RFC3: variants seen among roughly 807,000 people sequenced by gnomAD.
RFC3 encodes the protein replication factor C subunit 3.
A neutral mutation model predicts 45.1 loss-of-function variants in RFC3; 41 were observed. The observed-to-expected ratio is 0.91, with a 90% confidence interval of 0.71 to 1.18. The LOEUF (loss-of-function observed/expected upper bound fraction) is 1.18. Ranked by LOEUF, RFC3 falls within the 50% of genes most tolerant of loss-of-function variation. The pLI is 0.00. For missense variants in RFC3, 423 were observed against 428.1 expected, an observed-to-expected ratio of 0.99 and a Z score of 0.10; for synonymous variants, 149 against 144.0, an observed-to-expected ratio of 1.03 and a Z score of -0.25.
chr13:33,948,701 A>G (rs1313750202), intron 8 of RFC3, among the ~76,000 whole-genome samples: 1 of 152,246 alleles, frequency 6.6e-6, no homozygotes, highest in Non-Finnish European at 1.5e-5. Context: ...TTGCATCAGC[A>G]TGACCTGGAC....
At chr13:33,843,668 A>C (rs150331137) in intron 8 of RFC3, among the ~76,000 whole-genome samples, 168 of 152,316 alleles carry the variant, frequency 1.1e-3, no homozygotes, top group African/African-American at 3.9e-3. Context: ...TCTTTGAACT[A>C]GACATTATGA....
At chr13:33,972,300 G>T in the RFC3 span, among the ~76,000 whole-genome samples, 3 of 151,964 alleles carry the variant, frequency 2.0e-5, no homozygotes, top group Non-Finnish European at 4.4e-5. Flanking sequence ...TATGCACAGA[G>T]TCCAACTACA....
At chr13:33,963,978 C>T (rs1056007867) in intron 8 of RFC3, among the ~76,000 whole-genome samples, 5 of 152,196 alleles carry the variant, frequency 3.3e-5, no homozygotes, top group African/African-American at 4.8e-5. Context: ...CCTCTGCCCT[C>T]CGCCTTCAAG....
intron 8 of RFC3, among the ~76,000 whole-genome samples, chr13:33,891,701 A>C (rs1357724075): frequency 1.3e-5 from 2 of 152,166 alleles, no homozygotes; most frequent in African/African-American, 4.8e-5. Flanking sequence ...GGATTATAAC[A>C]ACTATATAAT....
chr13:33,912,305 C>CT (rs1004447811), intron 8 of RFC3, among the ~76,000 whole-genome samples: 1 of 144,052 alleles, frequency 6.9e-6, no homozygotes, highest in African/African-American at 2.7e-5. Flanking sequence ...AGATGAACTG[C>CT]CCCACCCCAC....
chr13:33,974,295 A>G, the RFC3 span, among the ~76,000 whole-genome samples: 1 of 152,210 alleles, frequency 6.6e-6, no homozygotes, highest in African/African-American at 2.4e-5. Flanking sequence ...TGTTGTAGTA[A>G]TAAGGAACAT....
intron 8 of RFC3, among the ~76,000 whole-genome samples, chr13:33,878,151 T>C (rs1395360760): frequency 1.3e-5 from 2 of 152,206 alleles, no homozygotes. Flanking sequence ...TTTATTATTG[T>C]TCTGTATTAT....
chr13:33,895,477 G>A (rs2082591904), intron 8 of RFC3, among the ~76,000 whole-genome samples: 1 of 152,104 alleles, frequency 6.6e-6, no homozygotes, highest in African/African-American at 2.4e-5. Context: ...TTATTAGAAA[G>A]TCAAAAAACA....
At chr13:33,922,766 A>G (rs929119663) in intron 8 of RFC3, among the ~76,000 whole-genome samples, 18 of 152,176 alleles carry the variant, frequency 1.2e-4, no homozygotes, top group African/African-American at 4.1e-4. Flanking sequence ...CGAGGGCTCT[A>G]TAGAGCCAGA....
intron 1 of RFC3, among the ~76,000 whole-genome samples, chr13:33,819,968 T>G (rs1277579082): frequency 6.6e-6 from 1 of 152,226 alleles, no homozygotes; most frequent in African/African-American, 2.4e-5. Context: ...TTCTTTTCCT[T>G]GGGACTTTTT....
At chr13:33,819,564 T>A (rs868566870) in intron 1 of RFC3, among the ~76,000 whole-genome samples, 4 of 152,098 alleles carry the variant, frequency 2.6e-5, no homozygotes, top group African/African-American at 7.2e-5. Flanking sequence ...CATTGAAGGT[T>A]TTTTTTTGGT....
At chr13:33,841,638 G>T (rs1203245156), downstream of RFC3, among the ~76,000 whole-genome samples, 4 of 152,134 alleles carry the variant, frequency 2.6e-5, no homozygotes, top group East Asian at 5.8e-4. Context: ...ATTACATTTT[G>T]GGGGAGTCAA....
At chr13:33,919,016 G>C (rs1167433098) in intron 8 of RFC3, among the ~76,000 whole-genome samples, 1 of 143,730 alleles carries the variant, frequency 7.0e-6, no homozygotes, top group Non-Finnish European at 1.5e-5. Context: ...TGGTCTTTTT[G>C]GAACAAAGAC....
rs761489134 is a variant in RFC3, at chr13:33,831,333, T to A, written c.788T>A (p.Val263Asp). The A allele has an allele frequency of 1.9e-6, 3 of 1,604,222 alleles. No homozygotes were observed. The highest frequency in any genetic ancestry group is 2.6e-6 in the Non-Finnish European group (3 of 1,171,074). ...VYLRETANAI[V>D]SQQTPQRLLE... ...CTGAGGGAGACTGCAAATGCTATTG[T>A]CAGTCAGCAAACTCCACAAAGGTAC... is the stretch of plus-strand genomic sequence containing the variant. Residue 263 changes from valine (V) to aspartate (D), a missense_variant, in exon 7 of 9, where the codon GTC (valine) becomes GAC (aspartate). Physicochemically the swap from Val to Asp is radical, Grantham distance 152. Coordinates refer to ENST00000380071, the MANE Select transcript of RFC3 (RefSeq NM_002915.4).
intron 8 of RFC3, among the ~76,000 whole-genome samples, chr13:33,897,047 A>C (rs943061703): frequency 6.6e-6 from 1 of 152,122 alleles, no homozygotes; most frequent in Non-Finnish European, 1.5e-5. Flanking sequence ...AGGAAAACAA[A>C]AATAAAATTT....
At chr13:33,871,862 A>G (rs543642721) in intron 8 of RFC3, among the ~76,000 whole-genome samples, 1 of 152,258 alleles carries the variant, frequency 6.6e-6, no homozygotes, top group South Asian at 2.1e-4. Context: ...ACTATTTTAC[A>G]GATTAGTAAA....
chr13:33,970,336 T>C (rs1001746564), downstream of RFC3, among the ~76,000 whole-genome samples: 2 of 152,220 alleles, frequency 1.3e-5, no homozygotes, highest in African/African-American at 4.8e-5. Context: ...AATCTATCAT[T>C]GATGGGCATT....
intron 8 of RFC3, among the ~76,000 whole-genome samples, chr13:33,883,783 G>C (rs1345865236): frequency 6.6e-6 from 1 of 152,198 alleles, no homozygotes; most frequent in Non-Finnish European, 1.5e-5. Context: ...AGGCCTTTCA[G>C]AGCGTGGAGA....
At chr13:33,821,025 A>G in intron 1 of RFC3, 107 bp from the exon 2 acceptor site, 1 of 1,095,414 alleles carries the variant, frequency 9.1e-7, no homozygotes, top group South Asian at 1.9e-5. Context: ...ATGAACTGGG[A>G]GTTTCATGGG....
Sources: allele counts gnomAD v4.1 joint callset (sites outside exome capture counted in the v4.1 genomes callset), GRCh38; gene constraint gnomAD v4.1.1; transcripts MANE v1.5; gene names NCBI Gene and HGNC (gene_info 2026-07-23, HGNC 2026-07-21).